Variants in CSMD1 observed in about 807,000 individuals in gnomAD.
CSMD1 encodes the protein CUB and sushi domain-containing protein 1.
Under a neutral mutation model 417.5 loss-of-function variants are expected in CSMD1, and 213 were observed. The observed-to-expected ratio is 0.51, with a 90% CI of 0.46 to 0.57. CSMD1 has a LOEUF of 0.57. Ranked by LOEUF, CSMD1 falls within the 20% of genes least tolerant of loss-of-function variation. The pLI is 0.00. For synonymous variants in CSMD1, 2,862 were observed against 1,736.8 expected, an observed-to-expected ratio of 1.65 and a Z score of -16.11; for missense variants, 6,923 against 4,529.7, an observed-to-expected ratio of 1.53 and a Z score of -15.17.
chr8:4,218,148 T>C (rs188678706), intron 3 of CSMD1, among the ~76,000 whole-genome samples: 7 of 152,320 alleles, frequency 4.6e-5, no homozygotes, highest in African/African-American at 1.7e-4. Flanking sequence ...AACTCCTACA[T>C]GCTGAACGTT....
At chr8:3,441,016 T>C (rs1814947514) in intron 12 of CSMD1, among the ~76,000 whole-genome samples, 2 of 152,156 alleles carry the variant, frequency 1.3e-5, no homozygotes, top group African/African-American at 2.4e-5. Context: ...CTGGATTATG[T>C]TGGTGTCCCC....
rs1299394799 is a variant in CSMD1, at chr8:3,541,870, TG to T, written c.1344+33074del. Among the ~76,000 whole-genome samples, 473 of 152,168 alleles carry T rather than the reference TG, an allele frequency of 3.1e-3. 7 individuals are homozygous for T. Among genetic ancestry groups the T allele is most frequent in the Non-Finnish European group, 1.4e-3 (94 of 67,992 alleles). On this transcript the variant is annotated intron_variant, in intron 10 of 69. Transcript: ENST00000635120. ...TGATGTTAGGAGTTCGAGACCAGCCTGGCCAAAATGGCAAAACCCCATCTCT... is the reference window on the plus strand; with the variant it reads ...TGATGTTAGGAGTTCGAGACCAGCCTGCCAAAATGGCAAAACCCCATCTCT...
intron 1 of CSMD1, among the ~76,000 whole-genome samples, chr8:4,949,810 T>C (rs6986034): frequency 0.011 from 1,686 of 152,318 alleles, 35 homozygotes; most frequent in African/African-American, 0.038. Context: ...CGAAGCAATA[T>C]TGAGCATATC....
intron 2 of CSMD1, among the ~76,000 whole-genome samples, chr8:4,590,143 G>A (rs1366471775): frequency 6.6e-6 from 1 of 151,976 alleles, no homozygotes; most frequent in East Asian, 1.9e-4. Context: ...GGTAAAGCAA[G>A]TGAATTTTGC....
Position 2,962,594 on chromosome 8 carries a change from C to T in CSMD1, c.9500G>A (p.Ser3167Asn). Residue 3167 changes from serine (S) to asparagine (N), a missense_variant, in exon 61 of 70, where the codon AGT (serine) becomes AAT (asparagine). Transcript: ENST00000635120. ...GGACTTATAGGTGAAACTTTTCCCA[C>T]TAAGTCGCCCTTCTGCGGGGATGCC... ...DPGIPAEGRL[S>N]GKSFTYKSEV... The T allele has an allele frequency of 6.2e-7, 1 of 1,613,898 alleles. No homozygotes were observed.
At chr8:3,462,797 C>G (rs902544280) in intron 12 of CSMD1, among the ~76,000 whole-genome samples, 1 of 151,794 alleles carries the variant, frequency 6.6e-6, no homozygotes. Context: ...GCTGGGGACT[C>G]TTATCTAAGA....
intron 26 of CSMD1, among the ~76,000 whole-genome samples, chr8:3,260,316 T>C (rs1245528856): frequency 7.2e-5 from 11 of 152,102 alleles, no homozygotes; most frequent in Non-Finnish European, 1.6e-4. Flanking sequence ...TCCCTGGCTT[T>C]GGGTGTTGCA....
At chr8:3,079,914 CTT>C (rs1184596956) in intron 49 of CSMD1, among the ~76,000 whole-genome samples, 2 of 152,164 alleles carry the variant, frequency 1.3e-5, no homozygotes, top group African/African-American at 4.8e-5. Flanking sequence ...CCACCCAGCT[CTT>C]TGCACCAGTT....
In CSMD1 at chr8:3,095,364, T is replaced by C. The variant is rs191897430; in HGVS notation, c.7138+1485A>G. 3.3e-5 allele frequency among the ~76,000 whole-genome samples: 5 copies of C among 152,274 alleles called. No individual in the cohort carries two copies. The East Asian group carries it at 9.6e-4, about 29-fold the overall frequency. On this transcript the variant is annotated intron_variant, in intron 47 of 69. Transcript: ENST00000635120. ...TTCCTCAACAAGAGAAACCCCATTT[T>C]TATACTTGCGTAATGAGTTACTTCT... is the stretch of plus-strand genomic sequence containing the variant.
chr8:3,473,019 G>A (rs1000305609), intron 11 of CSMD1, among the ~76,000 whole-genome samples: 5 of 151,912 alleles, frequency 3.3e-5, no homozygotes, highest in African/African-American at 1.2e-4. Flanking sequence ...TCTGTCTCCT[G>A]GTTCTGGCAT....
chr8:3,244,394 A>G (rs10104274), intron 26 of CSMD1, among the ~76,000 whole-genome samples: 117,295 of 151,974 alleles, frequency 0.77, 45,808 homozygotes, highest in Non-Finnish European at 0.84. Context: ...ATTACCCTGG[A>G]GAGCAATCTG....
At chr8:4,201,484 G>C (rs368197319) in intron 3 of CSMD1, among the ~76,000 whole-genome samples, 2 of 124,454 alleles carry the variant, frequency 1.6e-5, no homozygotes, top group African/African-American at 3.0e-5. Context: ...CTTGCAGTGA[G>C]CCGACATAGC....
Position 4,007,658 on chromosome 8 carries a change from T to C in CSMD1, c.611-9548A>G, listed in dbSNP as rs116098596. 8.2e-3 allele frequency among the ~76,000 whole-genome samples: 1,247 copies of C among 152,122 alleles called. 17 individuals are homozygous for C. Among genetic ancestry groups the C allele is most frequent in the African/African-American group, 0.024 (981 of 41,526 alleles). On this transcript the variant is annotated intron_variant, in intron 4 of 69. Coordinates refer to ENST00000635120, the MANE Select transcript of CSMD1 (RefSeq NM_033225.6). ...CACCTGTTCCTAGGAGGCGGCCTGATAGAAGTATTCTTTCTTCCTCTTTTT... is the reference window on the plus strand; with the variant it reads ...CACCTGTTCCTAGGAGGCGGCCTGACAGAAGTATTCTTTCTTCCTCTTTTT...
intron 1 of CSMD1, among the ~76,000 whole-genome samples, chr8:4,911,085 T>TC (rs1175686645): frequency 6.6e-6 from 1 of 152,222 alleles, no homozygotes; most frequent in East Asian, 1.9e-4. Flanking sequence ...TTGTGAGGCC[T>TC]CCCCAGCCAT....
chr8:3,024,347 C>T (rs1049106632), intron 51 of CSMD1, among the ~76,000 whole-genome samples: 7 of 151,570 alleles, frequency 4.6e-5, no homozygotes, highest in Non-Finnish European at 1.0e-4. Context: ...GCTCTGTCGC[C>T]CAGGCTAGAT....
chr8:4,614,362 G>C (rs751751145), intron 2 of CSMD1, among the ~76,000 whole-genome samples: 13 of 152,138 alleles, frequency 8.5e-5, no homozygotes, highest in South Asian at 2.1e-4. Context: ...TCCATGGCTT[G>C]TCTAGTGATG....
At chr8:3,536,189 C>G (rs1485682180) in intron 10 of CSMD1, among the ~76,000 whole-genome samples, 1 of 152,182 alleles carries the variant, frequency 6.6e-6, no homozygotes, top group Non-Finnish European at 1.5e-5. Flanking sequence ...GCAGACGTAT[C>G]CAGAGCACTG....
chr8:4,565,696 T>A (rs370349381), intron 2 of CSMD1, among the ~76,000 whole-genome samples: 1 of 148,070 alleles, frequency 6.8e-6, no homozygotes, highest in South Asian at 2.2e-4. Context: ...GATTGTGCCA[T>A]TGCACTCCAG....
chr8:4,909,638 C>A (rs1176571247), intron 1 of CSMD1, among the ~76,000 whole-genome samples: 1 of 152,152 alleles, frequency 6.6e-6, no homozygotes, highest in Non-Finnish European at 1.5e-5. Flanking sequence ...GAAGTAAAGG[C>A]AATGAGTGTA....
Sources: gnomAD v4.1 joint callset for allele counts (sites outside exome capture counted in the v4.1 genomes callset) on GRCh38, gnomAD v4.1.1 for gene constraint, MANE v1.5 for transcripts, NCBI Gene and HGNC (gene_info 2026-07-23, HGNC 2026-07-21) for gene names.